DCX: variants seen among roughly 807,000 people sequenced by gnomAD.
DCX encodes neuronal migration protein doublecortin.
Under a neutral mutation model 20.9 loss-of-function variants are expected in DCX, and 4 were observed. The ratio of observed to expected loss-of-function variants is 0.19; its 90% CI spans 0.09 to 0.44. The LOEUF is 0.44. DCX is among the 20% of genes least tolerant of loss of function. The probability of loss-of-function intolerance (pLI) is 0.99; values close to 1 mark genes in which losing one functional copy is unlikely to be tolerated. For synonymous variants in DCX, 103 were observed against 111.4 expected (o/e 0.92, Z 0.47); for missense variants, 133 against 296.9 (o/e 0.45, Z 4.06).
chrX:111,342,952 C>T (rs969706392), intron 3 of DCX, among the ~76,000 whole-genome samples: 1 of 111,156 alleles, frequency 9.0e-6, no homozygotes, highest in Non-Finnish European at 1.9e-5. Flanking sequence ...TAAATGCCCA[C>T]ATCAGAAACC....
intron 3 of DCX, among the ~76,000 whole-genome samples, chrX:111,382,278 A>G (rs1926032819): frequency 8.9e-6 from 1 of 111,982 alleles, no homozygotes; most frequent in Non-Finnish European, 1.9e-5. Context: ...GAGACGCACT[A>G]GAGAACATTG....
chrX:111,410,527 A>G (rs1928623259), intron 1 of DCX, 107 bp from the exon 2 acceptor site: 6 of 1,068,692 alleles, frequency 5.6e-6, no homozygotes, highest in Non-Finnish European at 7.7e-6. Context: ...CAGATCTGCA[A>G]TCTGCTGCTT....
intron 3 of DCX, among the ~76,000 whole-genome samples, chrX:111,383,618 A>G (rs1376983973): frequency 9.0e-6 from 1 of 111,495 alleles, no homozygotes; most frequent in African/African-American, 3.3e-5. Context: ...TATATGACCT[A>G]ATATTGTCCT....
chrX:111,324,541 C>A (rs2095095007), intron 5 of DCX, among the ~76,000 whole-genome samples: 1 of 111,680 alleles, frequency 9.0e-6, no homozygotes, highest in Non-Finnish European at 1.9e-5. Context: ...GCTGTGTGAT[C>A]TTGGGCAGGT....
At chrX:111,327,313 C>A (rs2095101800) in intron 5 of DCX, among the ~76,000 whole-genome samples, 1 of 111,946 alleles carries the variant, frequency 8.9e-6, no homozygotes, top group Non-Finnish European at 1.9e-5. Flanking sequence ...AGCCTGTTTG[C>A]CCCACCTAAC....
At chrX:111,373,474 G>A (rs16986482) in intron 3 of DCX, among the ~76,000 whole-genome samples, 1,494 of 111,786 alleles carry the variant, frequency 0.013, 27 homozygotes, top group African/African-American at 0.046. Flanking sequence ...GGTGTTTGTC[G>A]TCATTCGGGA....
At chrX:111,383,716 A>G (rs115716609) in intron 3 of DCX, among the ~76,000 whole-genome samples, 12 of 111,866 alleles carry the variant, frequency 1.1e-4, no homozygotes, top group African/African-American at 3.9e-4. Flanking sequence ...GGGTTGGACT[A>G]AAACAATAGT....
At chrX:111,313,612 T>C (rs776687274) in intron 5 of DCX, among the ~76,000 whole-genome samples, 62 of 111,377 alleles carry the variant, frequency 5.6e-4, no homozygotes, top group Non-Finnish European at 8.3e-4. Flanking sequence ...AAAATCAGAG[T>C]TTCTTTTTAA....
chrX:111,340,198 G>T (rs1922098077), intron 3 of DCX, among the ~76,000 whole-genome samples: 1 of 112,613 alleles, frequency 8.9e-6, no homozygotes, highest in Non-Finnish European at 1.9e-5. Context: ...GAGCCAGGGA[G>T]CTGTACTGCT....
Position 111,301,227 on chromosome X carries a change from C to T in DCX, c.*460G>A, listed in dbSNP as rs1342709740. 1.4e-5 allele frequency: 2 copies of T among 142,671 alleles called. No homozygotes were observed. Among genetic ancestry groups the T allele is most frequent in the Non-Finnish European group, 2.8e-5 (2 of 71,765 alleles). 11.8% of individuals were successfully genotyped at this position (142,671 alleles called of 1,213,427 possible). On this transcript the variant is annotated 3_prime_UTR_variant, in exon 7 of 7. Coordinates refer to ENST00000636035, the MANE Select transcript of DCX (RefSeq NM_001195553.2). ...TTGCTGTCCTTCCAGGGTCCTCCAC[C>T]ATTCTTGAGATCCAGAGAAAAGGGG...
intron 3 of DCX, among the ~76,000 whole-genome samples, chrX:111,344,220 G>A (rs1922574335): frequency 9.0e-6 from 1 of 111,720 alleles, no homozygotes; most frequent in Non-Finnish European, 1.9e-5. Flanking sequence ...AATAAACTAG[G>A]TATTGATGGA....
At chrX:111,316,501 G>A in intron 5 of DCX, among the ~76,000 whole-genome samples, 1 of 111,024 alleles carries the variant, frequency 9.0e-6, no homozygotes, top group African/African-American at 3.3e-5. Context: ...AAGTGCTGCA[G>A]TTACAGGCAT....
intron 3 of DCX, among the ~76,000 whole-genome samples, chrX:111,384,027 T>C (rs1926183660): frequency 9.0e-6 from 1 of 111,720 alleles, no homozygotes; most frequent in East Asian, 2.8e-4. Context: ...AAAAACTAAA[T>C]CACTTCTAAG....
At chrX:111,374,580 G>A (rs1179820816) in intron 3 of DCX, among the ~76,000 whole-genome samples, 1 of 111,043 alleles carries the variant, frequency 9.0e-6, no homozygotes, top group Non-Finnish European at 1.9e-5. Context: ...CTCATCTTGG[G>A]CAGCCAGGTT....
chrX:111,390,427 GTT>G (rs1468919631), intron 3 of DCX, among the ~76,000 whole-genome samples: 2 of 112,111 alleles, frequency 1.8e-5, no homozygotes, highest in Admixed American at 9.5e-5. Flanking sequence ...AAGCTGCTAT[GTT>G]TGTGGTAACT....
At chrX:111,320,920 T>C (rs1203902492) in intron 5 of DCX, among the ~76,000 whole-genome samples, 2 of 110,175 alleles carry the variant, frequency 1.8e-5, no homozygotes, top group South Asian at 3.9e-4. Flanking sequence ...GTAAGTCTCT[T>C]TGATTCCAAA....
At chrX:111,336,779 C>A (rs1456233544) in intron 3 of DCX, among the ~76,000 whole-genome samples, 2 of 111,997 alleles carry the variant, frequency 1.8e-5, no homozygotes, top group African/African-American at 3.2e-5. Flanking sequence ...TATATTTGTC[C>A]TAATCAATGC....
rs189177393 is a variant in DCX, at chrX:111,338,991, A to G, written c.706-5838T>C. 4.5e-5 allele frequency among the ~76,000 whole-genome samples: 5 copies of G among 111,276 alleles called. No homozygotes were observed. The East Asian group carries it at 8.5e-4, about 19-fold the overall frequency. On this transcript the variant is annotated intron_variant, in intron 3 of 6. Transcript: ENST00000636035. ...CTGGCCTCATCTTACTCAACCCATCAGCAACACTGGATATAAGTTGATCGA... is the reference window on the plus strand; with the variant it reads ...CTGGCCTCATCTTACTCAACCCATCGGCAACACTGGATATAAGTTGATCGA...
intron 2 of DCX, among the ~76,000 whole-genome samples, chrX:111,406,408 C>T (rs1928213518): frequency 8.9e-6 from 1 of 111,919 alleles, no homozygotes; most frequent in Admixed American, 9.5e-5. Flanking sequence ...AGTATTTTCA[C>T]ATCATTAATA....
Sources: gnomAD v4.1 joint callset for allele counts (sites outside exome capture counted in the v4.1 genomes callset) on GRCh38, gnomAD v4.1.1 for gene constraint, MANE v1.5 for transcripts, NCBI Gene and HGNC (gene_info 2026-07-23, HGNC 2026-07-21) for gene names.